TENM4: variants seen among roughly 807,000 people sequenced by gnomAD.
The protein encoded by TENM4 is teneurin transmembrane protein 4, also known as teneurin-4.
Under a neutral mutation model 243.3 loss-of-function variants are expected in TENM4, and 82 were observed. The observed-to-expected ratio is 0.34, with a 90% CI of 0.28 to 0.40. The LOEUF is 0.40. Ranked by LOEUF, TENM4 falls within the 10% of genes least tolerant of loss-of-function variation. The probability of loss-of-function intolerance (pLI) is 1.00; values close to 1 mark genes in which losing one functional copy is unlikely to be tolerated. For missense variants in TENM4, 3,138 were observed against 3,673.3 expected, an observed-to-expected ratio of 0.85 and a Z score of 3.77; for synonymous variants, 1,412 against 1,456.3, an observed-to-expected ratio of 0.97 and a Z score of 0.69.
intron 6 of TENM4, among the ~76,000 whole-genome samples, chr11:78,917,717 T>C (rs11237658): frequency 0.18 from 27,056 of 152,084 alleles, 3,142 homozygotes; most frequent in Non-Finnish European, 0.26. Context: ...CTGCAAAGCA[T>C]CTTTAGGCCA....
intron 32 of TENM4, among the ~76,000 whole-genome samples, chr11:78,665,088 G>C (rs959641589): frequency 1.3e-5 from 2 of 152,100 alleles, no homozygotes; most frequent in African/African-American, 4.8e-5. Flanking sequence ...CCAGAGTTTG[G>C]TGTTGTCACA....
intron 4 of TENM4, among the ~76,000 whole-genome samples, chr11:79,095,076 CT>C (rs1861046874): frequency 6.6e-6 from 1 of 151,954 alleles, no homozygotes; most frequent in Non-Finnish European, 1.5e-5. Flanking sequence ...ATTTTTGGCT[CT>C]GCCTGATAGG....
chr11:78,775,903 T>C (rs904399450), intron 17 of TENM4, among the ~76,000 whole-genome samples: 2 of 152,236 alleles, frequency 1.3e-5, no homozygotes, highest in Non-Finnish European at 2.9e-5. Flanking sequence ...GAAGTCCCCC[T>C]TGCAGCTAGC....
chr11:78,905,013 C>T (rs1265577286), intron 6 of TENM4, among the ~76,000 whole-genome samples: 5 of 152,168 alleles, frequency 3.3e-5, no homozygotes, highest in African/African-American at 1.2e-4. Flanking sequence ...TGGGCATGGA[C>T]AAGTCATTTA....
chr11:79,011,622 C>A (rs530853908), intron 6 of TENM4, among the ~76,000 whole-genome samples: 1 of 152,346 alleles, frequency 6.6e-6, no homozygotes, highest in East Asian at 1.9e-4. Context: ...TGGTTGGAAC[C>A]CCAACAGGGG....
chr11:79,164,342 A>ACTAGTATATATAGTATATAGATATG (rs1862853020), intron 3 of TENM4, among the ~76,000 whole-genome samples: 2 of 129,944 alleles, frequency 1.5e-5, no homozygotes, highest in African/African-American at 6.1e-5. Context: ...ATATAGATAT[A>ACTAGTATATATAGTATATAGATATG]CTATATAGAT....
chr11:78,797,794 T>C (rs1047689131), intron 15 of TENM4, among the ~76,000 whole-genome samples: 3 of 152,256 alleles, frequency 2.0e-5, no homozygotes, highest in Non-Finnish European at 2.9e-5. Flanking sequence ...TTTCAGGCTA[T>C]CACTTGCTGT....
intron 6 of TENM4, among the ~76,000 whole-genome samples, chr11:78,967,973 C>T (rs77763292): frequency 1.4e-4 from 21 of 152,318 alleles, no homozygotes; most frequent in African/African-American, 3.4e-4. Flanking sequence ...GAATGTGATC[C>T]GCAGTGTTGG....
chr11:79,147,456 T>G (rs764268640), intron 4 of TENM4, among the ~76,000 whole-genome samples: 19 of 152,202 alleles, frequency 1.2e-4, no homozygotes, highest in Middle Eastern at 3.4e-3. Flanking sequence ...ATCATCCTTG[T>G]CTGACTCTGA....
intron 30 of TENM4, among the ~76,000 whole-genome samples, chr11:78,675,065 C>T (rs1252167217): frequency 2.6e-5 from 4 of 152,062 alleles, no homozygotes; most frequent in Non-Finnish European, 5.9e-5. Context: ...TGAAGTTTCA[C>T]CGTGTTGGCC....
intron 6 of TENM4, among the ~76,000 whole-genome samples, chr11:79,062,237 A>G (rs1349892448): frequency 6.6e-6 from 1 of 152,206 alleles, no homozygotes; most frequent in Non-Finnish European, 1.5e-5. Flanking sequence ...CTAGGATTAC[A>G]GGCCTGAACC....
intron 3 of TENM4, among the ~76,000 whole-genome samples, chr11:79,213,784 T>G (rs1247630996): frequency 1.3e-5 from 2 of 152,180 alleles, no homozygotes; most frequent in Non-Finnish European, 2.9e-5. Context: ...TTCATGTCAC[T>G]ATTACAAGTG....
intron 19 of TENM4, among the ~76,000 whole-genome samples, chr11:78,741,604 ATAATT>A (rs1219549772): frequency 1.3e-5 from 2 of 152,198 alleles, no homozygotes; most frequent in Admixed American, 6.5e-5. Context: ...TTAATTTTAT[ATAATT>A]TAATTTTTAA....
rs752982512 is a variant in TENM4, at chr11:78,732,267, C to G, written c.3138+49G>C. The stretch of plus-strand genomic sequence containing the variant: ...CTGTCTCTGAGATCCTCCTCCACCC[C>G]CAAAATGAAATAAAAGCATGGTGGA... On this transcript the variant is annotated intron_variant, in intron 21 of 33. Coordinates refer to ENST00000278550, the MANE Select transcript of TENM4 (RefSeq NM_001098816.3). 3.9e-6 allele frequency: 6 copies of G among 1,544,914 alleles called. No individual in the cohort carries two copies. The East Asian group carries it at 1.4e-4, about 35-fold the overall frequency.
intron 4 of TENM4, among the ~76,000 whole-genome samples, chr11:79,103,117 G>A (rs528179553): frequency 1.2e-4 from 18 of 152,160 alleles, no homozygotes; most frequent in East Asian, 3.9e-4. Context: ...TGGCGGTGCC[G>A]CTGTCCCTCT....
intron 13 of TENM4, among the ~76,000 whole-genome samples, chr11:78,813,407 G>T (rs1287286224): frequency 6.6e-6 from 1 of 152,132 alleles, no homozygotes; most frequent in Non-Finnish European, 1.5e-5. Context: ...ATTTAACTGT[G>T]TTATAGCGTA....
At chr11:78,918,497 C>A (rs2136377124) in intron 6 of TENM4, among the ~76,000 whole-genome samples, 1 of 151,596 alleles carries the variant, frequency 6.6e-6, no homozygotes, top group South Asian at 2.1e-4. Flanking sequence ...CAGCCCAGTT[C>A]AGGTTTGTGA....
intron 19 of TENM4, among the ~76,000 whole-genome samples, chr11:78,743,203 CAAGCAGTAT>C (rs1004339948): frequency 3.9e-5 from 6 of 152,118 alleles, no homozygotes; most frequent in Non-Finnish European, 5.9e-5. Context: ...GGGCATTCAC[CAAGCAGTAT>C]ACACCACTCC....
At position 79,112,546 on chromosome 11, in the gene TENM4, C is replaced by T. The variant is rs561897202; in HGVS notation, c.-66+36164G>A. 1.1e-3 allele frequency among the ~76,000 whole-genome samples: 175 copies of T among 152,216 alleles called. 1 individual carries two copies. The highest frequency in any genetic ancestry group is 3.9e-3 in the African/African-American group (163 of 41,514). On this transcript the variant is annotated intron_variant, in intron 4 of 33. Coordinates refer to ENST00000278550, the MANE Select transcript of TENM4 (RefSeq NM_001098816.3). ...GGACAGGGAGGTTGTCTGAGGGGAA[C>T]CACTGGTCAGTTCAGGTCAGGCCAG...
Sources: gnomAD v4.1 joint callset for allele counts (sites outside exome capture counted in the v4.1 genomes callset) on GRCh38, gnomAD v4.1.1 for gene constraint, MANE v1.5 for transcripts, NCBI Gene and HGNC (gene_info 2026-07-23, HGNC 2026-07-21) for gene names.